Variants in MARK1 observed in about 807,000 individuals in gnomAD.
The protein encoded by MARK1 is serine/threonine-protein kinase MARK1.
MARK1 carries 40 observed loss-of-function variants against 96.3 expected under a neutral mutation model. That is an observed-to-expected ratio of 0.42 (90% CI 0.32 to 0.54). The LOEUF is 0.54. Among genes scored for constraint, MARK1 ranks in the 20% least tolerant of loss-of-function variants. The pLI, the probability that MARK1 is intolerant of heterozygous loss-of-function variation, is 0.16. For synonymous variants in MARK1, 317 were observed against 341.2 expected, an observed-to-expected ratio of 0.93 and a Z score of 0.78; for missense variants, 719 against 984.6, an observed-to-expected ratio of 0.73 and a Z score of 3.61.
intron 13 of MARK1, among the ~76,000 whole-genome samples, chr1:220,638,804 T>A (rs1285254991): frequency 6.6e-6 from 1 of 152,206 alleles, no homozygotes; most frequent in Admixed American, 6.5e-5. Flanking sequence ...CAAAGTAATA[T>A]ATTTTGTTTA....
intron 1 of MARK1, among the ~76,000 whole-genome samples, chr1:220,537,535 C>T (rs1660796548): frequency 6.9e-6 from 1 of 145,138 alleles, no homozygotes; most frequent in African/African-American, 2.5e-5. Context: ...GTGAATAGTG[C>T]CGCAATAAAC....
rs543928158 is a variant in MARK1, at chr1:220,651,197, T to C, written c.1571+477T>C. On this transcript the variant is annotated intron_variant, in intron 14 of 17. Coordinates refer to ENST00000366917, the MANE Select transcript of MARK1 (RefSeq NM_018650.5). ...TTATTTCAAATAATAATAAATCATATTATTTTTATTACTTAAAAGATGTGT... is the reference window on the plus strand; with the variant it reads ...TTATTTCAAATAATAATAAATCATACTATTTTTATTACTTAAAAGATGTGT... 4.6e-5 allele frequency among the ~76,000 whole-genome samples: 7 copies of C among 152,318 alleles called. No individual in the cohort carries two copies. In the South Asian group the frequency reaches 1.0e-3, roughly 23 times the overall value.
intron 3 of MARK1, among the ~76,000 whole-genome samples, chr1:220,593,027 A>G (rs1042260172): frequency 6.6e-6 from 1 of 152,238 alleles, no homozygotes; most frequent in Non-Finnish European, 1.5e-5. Context: ...GATATTCTAT[A>G]TGAGTGTAGG....
intron 3 of MARK1, among the ~76,000 whole-genome samples, 184 bp from the exon 4 acceptor site, chr1:220,598,147 C>T (rs2102901650): frequency 6.6e-6 from 1 of 152,232 alleles, no homozygotes; most frequent in Middle Eastern, 3.4e-3. Flanking sequence ...GTTAATGTCA[C>T]AGTCTAAGTT....
At chr1:220,632,035 G>A (rs1667706849) in intron 10 of MARK1, among the ~76,000 whole-genome samples, 166 bp from the exon 11 acceptor site, 1 of 152,116 alleles carries the variant, frequency 6.6e-6, no homozygotes, top group South Asian at 2.1e-4. Context: ...CAATATCTGT[G>A]AACATATGGT....
At position 220,663,409 on chromosome 1, in the gene MARK1, T is replaced by C. The variant is rs1669583328; in HGVS notation, c.*1243T>C. ...CCTACTTTTCTTTCATAATTAGTGA[T>C]ATATGCGATGTAAAACCACTAGTAA... On this transcript the variant is annotated 3_prime_UTR_variant, in exon 18 of 18. Coordinates refer to ENST00000366917, the MANE Select transcript of MARK1 (RefSeq NM_018650.5). 1.3e-5 allele frequency: 2 copies of C among 152,612 alleles called. No homozygotes were observed. Among genetic ancestry groups the C allele is most frequent in the South Asian group, 2.1e-4 (1 of 4,830 alleles). The allele number at this position is 152,612 out of a possible 1,614,324, so 9.5% of individuals were successfully genotyped here.
Position 220,653,268 on chromosome 1 carries a change from C to T in MARK1, c.1904C>T (p.Ser635Phe). The change falls in exon 16 of 18, where the codon TCC becomes TTC. Residue 635 changes from serine (S) to phenylalanine (F), a missense_variant. Ser to Phe is a radical substitution (Grantham distance 155, BLOSUM62 -2). Coordinates refer to ENST00000366917, the MANE Select transcript of MARK1 (RefSeq NM_018650.5). ...VAYNGPPASP[S>F]HETGAFAHAR... is the part of the protein sequence containing the mutation. ...TATAATGGGCCACCTGCTTCACCATCCCATGAAACGGGTGCATTTGCACAT... is the reference window on the plus strand; with the variant it reads ...TATAATGGGCCACCTGCTTCACCATTCCATGAAACGGGTGCATTTGCACAT... 6.2e-7 allele frequency: 1 copy of T among 1,614,254 alleles called. No individual in the cohort carries two copies. The highest frequency in any genetic ancestry group is 8.5e-7 in the Non-Finnish European group (1 of 1,180,048).
At chr1:220,547,811 C>T (rs1558250211) in intron 1 of MARK1, among the ~76,000 whole-genome samples, 3 of 152,222 alleles carry the variant, frequency 2.0e-5, no homozygotes, top group Non-Finnish European at 4.4e-5. Flanking sequence ...CGTGATCTGC[C>T]TGCCTCAGCC....
intron 13 of MARK1, among the ~76,000 whole-genome samples, chr1:220,643,381 A>G (rs1035676266): frequency 8.5e-5 from 13 of 152,186 alleles, no homozygotes; most frequent in Admixed American, 7.9e-4. Context: ...GGCAGTCAAG[A>G]TTAGAGAAAA....
At chr1:220,544,747 G>A (rs964591601) in intron 1 of MARK1, among the ~76,000 whole-genome samples, 3 of 152,168 alleles carry the variant, frequency 2.0e-5, no homozygotes, top group African/African-American at 7.2e-5. Context: ...TAGAAGCTGA[G>A]CCACAGTACC....
At chr1:220,605,562 A>G (rs1229449837) in intron 6 of MARK1, among the ~76,000 whole-genome samples, 7 of 151,834 alleles carry the variant, frequency 4.6e-5, no homozygotes, top group Non-Finnish European at 1.0e-4. Context: ...CATGTGCACA[A>G]CATGCAGGTT....
At position 220,653,151 on chromosome 1, in the gene MARK1, C is replaced by G. The variant is rs764220536; in HGVS notation, c.1787C>G (p.Thr596Ser). Residue 596 changes from threonine to serine, a missense_variant, in exon 16 of 18, where the codon ACT (threonine) becomes AGT (serine). This residue lies in a region of MARK1 where 501 missense variants were observed against 588.3 expected (regional missense o/e 0.85). Coordinates refer to ENST00000366917, the MANE Select transcript of MARK1 (RefSeq NM_018650.5). ...TCCCCATCTGCTCACAGTATTAGTA[C>G]TGCGACTCCAGACCGGACCCGTTTT... The part of the protein sequence containing the change: ...AASPSAHSIS[T>S]ATPDRTRFPR... 6 of 1,614,236 alleles carry G rather than the reference C, an allele frequency of 3.7e-6. No individual in the cohort carries two copies. In the Admixed American group the frequency reaches 8.3e-5, roughly 22 times the overall value.
chr1:220,562,186 C>T (rs912286303), intron 1 of MARK1, among the ~76,000 whole-genome samples: 9 of 152,020 alleles, frequency 5.9e-5, no homozygotes, highest in Non-Finnish European at 8.8e-5. Flanking sequence ...AAAAACAGGC[C>T]GGTCATGGTG....
At chr1:220,594,568 A>G (rs928514932) in intron 3 of MARK1, among the ~76,000 whole-genome samples, 1 of 152,204 alleles carries the variant, frequency 6.6e-6, no homozygotes, top group African/African-American at 2.4e-5. Flanking sequence ...AAACTTGCAC[A>G]TGGATGTTTA....
intron 1 of MARK1, among the ~76,000 whole-genome samples, chr1:220,576,444 G>T (rs967735209): frequency 9.3e-5 from 14 of 150,436 alleles, no homozygotes; most frequent in Non-Finnish European, 1.6e-4. Context: ...AAAATCACTT[G>T]ACTAAACCCA....
intron 1 of MARK1, among the ~76,000 whole-genome samples, chr1:220,540,638 A>G (rs1332935554): frequency 6.6e-6 from 1 of 152,176 alleles, no homozygotes; most frequent in Non-Finnish European, 1.5e-5. Flanking sequence ...ATGATTATTC[A>G]TGGTAGTATC....
intron 1 of MARK1, among the ~76,000 whole-genome samples, chr1:220,572,521 G>A (rs1453801192): frequency 6.6e-6 from 1 of 152,222 alleles, no homozygotes. Flanking sequence ...GGGATTACAG[G>A]AGTGAGCCAC....
At chr1:220,631,494 G>A (rs1460455108) in intron 10 of MARK1, among the ~76,000 whole-genome samples, 1 of 152,122 alleles carries the variant, frequency 6.6e-6, no homozygotes, top group Non-Finnish European at 1.5e-5. Flanking sequence ...AGACATAGAG[G>A]CACCGAATTA....
At chr1:220,554,996 T>G (rs1419447571) in intron 1 of MARK1, among the ~76,000 whole-genome samples, 1 of 152,202 alleles carries the variant, frequency 6.6e-6, no homozygotes, top group Non-Finnish European at 1.5e-5. Context: ...TAGTCCTTAA[T>G]TCGCAGGCCA....
Sources: gnomAD v4.1 joint callset for allele counts (sites outside exome capture counted in the v4.1 genomes callset) on GRCh38, gnomAD v4.1.1 for gene constraint, gnomAD v4.1.1 regional missense constraint, MANE v1.5 for transcripts, NCBI Gene and HGNC (gene_info 2026-07-23, HGNC 2026-07-21) for gene names.